Variants in CLEC19A observed in about 807,000 individuals in gnomAD.
The protein encoded by CLEC19A is C-type lectin domain containing 19A, also known as C-type lectin domain family 19 member A.
Under a neutral mutation model 26.1 loss-of-function variants are expected in CLEC19A, and 21 were observed. That is an observed-to-expected ratio of 0.80 (90% CI 0.57 to 1.16). CLEC19A has a LOEUF of 1.16. CLEC19A is among the 50% of genes most tolerant of loss of function. The pLI, the probability that CLEC19A is intolerant of heterozygous loss-of-function variation, is 0.00. For synonymous variants in CLEC19A, 89 were observed against 88.6 expected (o/e 1.00, Z -0.03); for missense variants, 224 against 227.6 (o/e 0.98, Z 0.10).
intron 4 of CLEC19A, among the ~76,000 whole-genome samples, chr16:19,308,041 C>T (rs1897993639): frequency 6.6e-6 from 1 of 152,232 alleles, no homozygotes; most frequent in Non-Finnish European, 1.5e-5. Flanking sequence ...CAGACTCATG[C>T]TCCTGAAGCA....
intron 4 of CLEC19A, 134 bp from the exon 5 acceptor site, chr16:19,308,870 G>A (rs117216181): frequency 0.026 from 17,447 of 662,030 alleles, 344 homozygotes; most frequent in Non-Finnish European, 0.035. Flanking sequence ...GGCTTGTCAA[G>A]TATCAGCAAG....
At chr16:19,287,682 CTGTCCTTCACTAGCTTG>C (rs1480812594) in intron 1 of CLEC19A, among the ~76,000 whole-genome samples, 1 of 152,188 alleles carries the variant, frequency 6.6e-6, no homozygotes, top group Non-Finnish European at 1.5e-5. Flanking sequence ...GGGGTATTTT[CTGTCCTTCACTAGCTTG>C]TGCCCATGGG....
intron 3 of CLEC19A, chr16:19,304,396 TAA>T (rs35007845): frequency 0.026 from 5,066 of 196,032 alleles, no homozygotes; most frequent in South Asian, 0.058. Flanking sequence ...TGGGTTCTCT[TAA>T]AAAAAAAAAA....
chr16:19,294,492 C>G (rs1897662703), intron 1 of CLEC19A, among the ~76,000 whole-genome samples: 1 of 152,184 alleles, frequency 6.6e-6, no homozygotes, highest in African/African-American at 2.4e-5. Context: ...AACTTGAACC[C>G]TTTCTTAGTG....
chr16:19,300,225 A>AAAAT (rs35246353), intron 2 of CLEC19A, among the ~76,000 whole-genome samples: 8,192 of 150,966 alleles, frequency 0.054, 386 homozygotes, highest in East Asian at 0.26. Flanking sequence ...TTCTGTCTCA[A>AAAAT]AAATAAATAA....
chr16:19,305,527 G>C (rs936253766), intron 3 of CLEC19A, among the ~76,000 whole-genome samples: 6 of 152,142 alleles, frequency 3.9e-5, no homozygotes, highest in Non-Finnish European at 7.3e-5. Flanking sequence ...TTGCGTGTAT[G>C]CTTCTTGCCT....
chr16:19,295,916 T>C (rs1897696761), intron 1 of CLEC19A, among the ~76,000 whole-genome samples: 1 of 152,188 alleles, frequency 6.6e-6, no homozygotes, highest in Admixed American at 6.5e-5. Flanking sequence ...CTCTTGGCCA[T>C]TGACGCTTTA....
chr16:19,293,862 G>T (rs895516499), intron 1 of CLEC19A, among the ~76,000 whole-genome samples: 17 of 152,188 alleles, frequency 1.1e-4, no homozygotes, highest in African/African-American at 4.1e-4. Flanking sequence ...GGTAAATGAG[G>T]TGTCCATCAC....
At chr16:19,286,756 GA>G (rs944979287) in intron 1 of CLEC19A, among the ~76,000 whole-genome samples, 1 of 152,168 alleles carries the variant, frequency 6.6e-6, no homozygotes, top group Non-Finnish European at 1.5e-5. Context: ...AGCAGTGGCA[GA>G]GATATCATTT....
At position 19,292,225 on chromosome 16, in the gene CLEC19A, G is replaced by T. The variant is rs1361047003; in HGVS notation, c.88+6286G>T. Among the ~76,000 whole-genome samples the T allele has an allele frequency of 6.6e-5, 10 of 152,168 alleles. No homozygotes were observed. In the East Asian group the frequency reaches 1.9e-3, roughly 29 times the overall value. ...GCACACTGTAGACCAGGGCTTCCCA[G>T]ATTTTCACATTCACAAGAATCACCT... On this transcript the variant is annotated intron_variant, in intron 1 of 4. Coordinates refer to ENST00000636231, the MANE Select transcript of CLEC19A (RefSeq NM_001256720.2).
intron 1 of CLEC19A, among the ~76,000 whole-genome samples, chr16:19,290,402 C>T (rs542629042): frequency 5.7e-4 from 87 of 152,000 alleles, no homozygotes; most frequent in African/African-American, 2.1e-3. Context: ...AAGTTCCCGG[C>T]CATGCTAAAC....
At position 19,285,835 on chromosome 16, in the gene CLEC19A, C is replaced by T. The variant is rs1243750895; in HGVS notation, c.-17C>T. ...CTCCTCCACTCAGGCTGGGAGGTTG[C>T]TTTCTAGGAGCTCAGGATGCAAAGG... On this transcript the variant is annotated 5_prime_UTR_variant, in exon 1 of 5. Transcript: ENST00000636231. 1.7e-5 allele frequency: 27 copies of T among 1,550,006 alleles called. No individual in the cohort carries two copies. The highest frequency in any genetic ancestry group is 2.3e-5 in the Non-Finnish European group (26 of 1,146,620).
chr16:19,286,293 C>A (rs1279619236), intron 1 of CLEC19A, among the ~76,000 whole-genome samples: 1 of 152,258 alleles, frequency 6.6e-6, no homozygotes, highest in Admixed American at 6.5e-5. Context: ...CAGTGTCTGG[C>A]ACTACAGGAA....
chr16:19,292,991 C>T (rs1405263191), intron 1 of CLEC19A, among the ~76,000 whole-genome samples: 27 of 151,686 alleles, frequency 1.8e-4, no homozygotes, highest in Admixed American at 1.8e-3. Flanking sequence ...GGAAGAACAG[C>T]TAAAAGGTGT....
At chr16:19,308,850 C>G in intron 4 of CLEC19A, among the ~76,000 whole-genome samples, 154 bp from the exon 5 acceptor site, 1 of 152,186 alleles carries the variant, frequency 6.6e-6, no homozygotes, top group African/African-American at 2.4e-5. Context: ...AAGAGTAAGG[C>G]TGGACAGCAG....
intron 1 of CLEC19A, among the ~76,000 whole-genome samples, chr16:19,293,714 C>A (rs1897641085): frequency 6.6e-6 from 1 of 152,036 alleles, no homozygotes; most frequent in Non-Finnish European, 1.5e-5. Flanking sequence ...CCTTGGCCTC[C>A]CAAAGTGTTG....
chr16:19,297,979 G>T (rs866110783), intron 1 of CLEC19A, among the ~76,000 whole-genome samples: 4 of 152,092 alleles, frequency 2.6e-5, no homozygotes, highest in African/African-American at 9.7e-5. Context: ...CGGGTGCGGT[G>T]GCTCACGTCT....
intron 1 of CLEC19A, among the ~76,000 whole-genome samples, chr16:19,297,980 G>A (rs1387024547): frequency 1.3e-5 from 2 of 152,100 alleles, no homozygotes; most frequent in African/African-American, 4.8e-5. Flanking sequence ...GGGTGCGGTG[G>A]CTCACGTCTT....
rs746313075 is a variant in CLEC19A at position 19,298,860 on chromosome 16, C to T, written c.254+22C>T. 1.9e-6 allele frequency: 3 copies of T among 1,540,866 alleles called. No individual in the cohort carries two copies. The South Asian group carries it at 3.6e-5, about 19-fold the overall frequency. On this transcript the variant is annotated intron_variant, in intron 2 of 4. Transcript: ENST00000636231. The stretch of plus-strand genomic sequence containing the variant: ...ACAGGTAAGTGGGATCCCCAGTGCC[C>T]CATAGTTCAACTAAGCACCCCCTTG...
Sources: allele counts gnomAD v4.1 joint callset (sites outside exome capture counted in the v4.1 genomes callset), GRCh38; gene constraint gnomAD v4.1.1; transcripts MANE v1.5; gene names NCBI Gene and HGNC (gene_info 2026-07-23, HGNC 2026-07-21).